BLVRA: variants seen among roughly 807,000 people sequenced by gnomAD.
BLVRA encodes biliverdin reductase A.
In BLVRA, 22 loss-of-function variants were observed where a neutral mutation model predicts 32.8. That is an observed-to-expected ratio of 0.67 (90% CI 0.48 to 0.96). The LOEUF is 0.96. BLVRA is among the 40% of genes least tolerant of loss of function. The pLI is 0.00. For missense variants in BLVRA, 323 were observed against 358.1 expected (o/e 0.90, Z 0.79); for synonymous variants, 119 against 141.3 (o/e 0.84, Z 1.12).
rs1038647045 is a variant in BLVRA at position 43,785,556 on chromosome 7, T to C, written c.13-2348T>C. 2.6e-5 allele frequency among the ~76,000 whole-genome samples: 4 copies of C among 152,142 alleles called. No homozygotes were observed. In the South Asian group the frequency reaches 8.3e-4, roughly 31 times the overall value. ...GCAAGGCTGAAGAAAGAGAGGCAGT[T>C]AGTCATAGGAGACAGTTCAGTCAGA... On this transcript the variant is annotated intron_variant, in intron 2 of 7. Transcript: ENST00000265523.
intron 6 of BLVRA, among the ~76,000 whole-genome samples, chr7:43,802,444 G>T (rs956208215): frequency 6.6e-6 from 1 of 152,082 alleles, no homozygotes; most frequent in Non-Finnish European, 1.5e-5. Context: ...GAGGCAGACG[G>T]GAGCAGTATC....
chr7:43,805,848 C>G (rs1470437366), intron 7 of BLVRA, among the ~76,000 whole-genome samples: 1 of 152,132 alleles, frequency 6.6e-6, no homozygotes, highest in Non-Finnish European at 1.5e-5. Context: ...CCACCCACAT[C>G]AGCCTCCACG....
chr7:43,776,193 G>A (rs1440435276), intron 2 of BLVRA, among the ~76,000 whole-genome samples: 1 of 152,100 alleles, frequency 6.6e-6, no homozygotes, highest in Non-Finnish European at 1.5e-5. Flanking sequence ...GCTTTTGAAT[G>A]TGTTTGCTCT....
At chr7:43,789,522 A>G (rs1452363928) in intron 3 of BLVRA, among the ~76,000 whole-genome samples, 1 of 149,896 alleles carries the variant, frequency 6.7e-6, no homozygotes, top group Non-Finnish European at 1.5e-5. Flanking sequence ...CCCCCATCGC[A>G]CCCCTATCTG....
intron 5 of BLVRA, among the ~76,000 whole-genome samples, chr7:43,797,925 C>T (rs1272937416): frequency 6.6e-6 from 1 of 151,982 alleles, no homozygotes; most frequent in African/African-American, 2.4e-5. Flanking sequence ...GGCATGGTGG[C>T]TCACACCTGT....
At chr7:43,785,645 T>A (rs904918417) in intron 2 of BLVRA, among the ~76,000 whole-genome samples, 2 of 152,242 alleles carry the variant, frequency 1.3e-5, no homozygotes, top group Admixed American at 1.3e-4. Flanking sequence ...TGAATCACTC[T>A]TCCCAAGCTG....
chr7:43,804,899 G>A lies in BLVRA; in HGVS notation c.632+1052G>A, dbSNP rs2095802490. Reference sequence around the variant, plus strand: ...ATTTTAAAAAGAAAAAAGAATTTGAGTTCCTGAATGAAGCCTGATCTAGTC... The same window carrying A: ...ATTTTAAAAAGAAAAAAGAATTTGAATTCCTGAATGAAGCCTGATCTAGTC... On this transcript the variant is annotated intron_variant, in intron 7 of 7. Transcript: ENST00000265523. Among the ~76,000 whole-genome samples, 4 of 152,212 alleles carry A rather than the reference G, an allele frequency of 2.6e-5. No individual in the cohort carries two copies. In the South Asian group the frequency reaches 8.3e-4, roughly 31 times the overall value.
rs1015395853 is a variant in BLVRA at position 43,768,811 on chromosome 7, G to A, written c.-21-2327G>A. Among the ~76,000 whole-genome samples the A allele has an allele frequency of 2.0e-5, 3 of 152,124 alleles. 1 individual carries two copies. The South Asian group carries it at 6.2e-4, about 32-fold the overall frequency. On this transcript the variant is annotated intron_variant, in intron 1 of 7. Coordinates refer to ENST00000265523, the MANE Select transcript of BLVRA (RefSeq NM_000712.4). Reference sequence around the variant, plus strand: ...GTAGCCAGGGGAGGGCGAGCAGAGTGTGCTTGCTGGGGACCCTCTGCTCCC... The same window carrying A: ...GTAGCCAGGGGAGGGCGAGCAGAGTATGCTTGCTGGGGACCCTCTGCTCCC...
chr7:43,798,978 G>T (rs548767409), intron 5 of BLVRA, among the ~76,000 whole-genome samples: 1 of 152,080 alleles, frequency 6.6e-6, no homozygotes, highest in South Asian at 2.1e-4. Flanking sequence ...AGAGTTTCAC[G>T]GTGGGGTGGG....
chr7:43,784,057 T>TG (rs919898749), intron 2 of BLVRA, among the ~76,000 whole-genome samples: 1 of 152,130 alleles, frequency 6.6e-6, no homozygotes, highest in African/African-American at 2.4e-5. Context: ...AGTCCAAGGG[T>TG]GGGGGCGCAA....
chr7:43,807,341 A>T lies in BLVRA; in HGVS notation c.*106A>T. ...AAATTAAACATGTTGGGGAAACAAG[A>T]ATCTTATTGTTATGAGCTATGTTGG... On this transcript the variant is annotated 3_prime_UTR_variant, in exon 8 of 8. Coordinates refer to ENST00000265523, the MANE Select transcript of BLVRA (RefSeq NM_000712.4). 6.5e-7 allele frequency: 1 copy of T among 1,536,310 alleles called. No homozygotes were observed. The highest frequency in any genetic ancestry group is 8.9e-7 in the Non-Finnish European group (1 of 1,124,466).
chr7:43,768,952 G>A (rs536423435), intron 1 of BLVRA, among the ~76,000 whole-genome samples: 1 of 150,762 alleles, frequency 6.6e-6, no homozygotes, highest in East Asian at 2.0e-4. Flanking sequence ...TTTTAAATGA[G>A]ACAGGGTCTC....
chr7:43,769,991 G>A (rs912130228), intron 1 of BLVRA, among the ~76,000 whole-genome samples: 16 of 152,150 alleles, frequency 1.1e-4, no homozygotes, highest in Admixed American at 7.2e-4. Flanking sequence ...TGCCAAGGTC[G>A]GTTTTGTTTG....
At chr7:43,761,066 G>A (rs933759632) in intron 1 of BLVRA, among the ~76,000 whole-genome samples, 5 of 152,122 alleles carry the variant, frequency 3.3e-5, no homozygotes, top group African/African-American at 1.2e-4. Flanking sequence ...CATTTCACCC[G>A]GCCTCTCTTC....
At chr7:43,758,936 C>T (rs2095739317) in intron 1 of BLVRA, among the ~76,000 whole-genome samples, 2 of 152,120 alleles carry the variant, frequency 1.3e-5, no homozygotes, top group African/African-American at 2.4e-5. Context: ...GGTCGGAGGC[C>T]CAGCAGCGCG....
intron 1 of BLVRA, among the ~76,000 whole-genome samples, chr7:43,768,513 G>A (rs541648470): frequency 3.3e-5 from 5 of 152,092 alleles, no homozygotes; most frequent in Non-Finnish European, 7.4e-5. Context: ...CAGGCACTTC[G>A]TCTGTAAAAT....
chr7:43,800,894 C>T (rs2095797916), intron 6 of BLVRA, among the ~76,000 whole-genome samples: 1 of 152,108 alleles, frequency 6.6e-6, no homozygotes, highest in African/African-American at 2.4e-5. Context: ...CCTTGCAAAG[C>T]AAATATAATA....
chr7:43,790,797 C>G (rs560606903), intron 3 of BLVRA, among the ~76,000 whole-genome samples: 1 of 152,214 alleles, frequency 6.6e-6, no homozygotes, highest in East Asian at 1.9e-4. Flanking sequence ...CTCAGCCTCC[C>G]AGGTAGCTGG....
At chr7:43,764,464 T>C (rs139805088) in intron 1 of BLVRA, among the ~76,000 whole-genome samples, 611 of 152,308 alleles carry the variant, frequency 4.0e-3, no homozygotes, top group Non-Finnish European at 7.6e-3. Flanking sequence ...TGACCTCATC[T>C]CATTTCTCTC....
Sources: allele counts gnomAD v4.1 joint callset (sites outside exome capture counted in the v4.1 genomes callset), GRCh38; gene constraint gnomAD v4.1.1; transcripts MANE v1.5; gene names NCBI Gene and HGNC (gene_info 2026-07-23, HGNC 2026-07-21).